The following PSD3 variants were observed in gnomAD, a reference collection of about 807,000 sequenced individuals.
The protein encoded by PSD3 is PH and SEC7 domain-containing protein 3.
Under a neutral mutation model 105.5 loss-of-function variants are expected in PSD3, and 49 were observed. That is an observed-to-expected ratio of 0.46 (90% CI 0.37 to 0.59). PSD3 has a LOEUF of 0.59. Among genes scored for constraint, PSD3 ranks in the 20% least tolerant of loss-of-function variants. The pLI, the probability that PSD3 is intolerant of heterozygous loss-of-function variation, is 0.00. For missense variants in PSD3, 1,561 were observed against 1,263.8 expected, an observed-to-expected ratio of 1.24 and a Z score of -3.57; for synonymous variants, 557 against 457.8, an observed-to-expected ratio of 1.22 and a Z score of -2.77.
At chr8:18,579,490 T>C (rs1257097393) in intron 12 of PSD3, among the ~76,000 whole-genome samples, 1 of 152,210 alleles carries the variant, frequency 6.6e-6, no homozygotes, top group Non-Finnish European at 1.5e-5. Flanking sequence ...TCGTGTTCCC[T>C]GCAATCTACA....
chr8:18,601,856 G>C (rs1278703053), intron 11 of PSD3, among the ~76,000 whole-genome samples: 14 of 152,180 alleles, frequency 9.2e-5, no homozygotes, highest in Non-Finnish European at 4.4e-5. Flanking sequence ...GACCAGGGCT[G>C]AGAGGGCTGC....
At chr8:19,045,318 A>G (rs1462434416) in intron 1 of PSD3, among the ~76,000 whole-genome samples, 1 of 152,250 alleles carries the variant, frequency 6.6e-6, no homozygotes, top group African/African-American at 2.4e-5. Context: ...TAAGGAGAAT[A>G]TGATATGAAA....
chr8:19,026,753 G>C (rs902379836), intron 1 of PSD3, among the ~76,000 whole-genome samples: 6 of 146,464 alleles, frequency 4.1e-5, no homozygotes, highest in African/African-American at 1.5e-4. Flanking sequence ...CACACCTATA[G>C]TCCCAGCTAC....
intron 1 of PSD3, among the ~76,000 whole-genome samples, chr8:19,076,062 G>A (rs1412168140): frequency 6.6e-6 from 1 of 151,770 alleles, no homozygotes; most frequent in Non-Finnish European, 1.5e-5. Context: ...AGTGGCTCAC[G>A]AAACAGTATA....
At chr8:18,610,305 C>A (rs1805161667) in intron 11 of PSD3, among the ~76,000 whole-genome samples, 1 of 152,132 alleles carries the variant, frequency 6.6e-6, no homozygotes, top group Admixed American at 6.5e-5. Flanking sequence ...GGAGTATGCA[C>A]CTGTAACAAT....
At chr8:18,540,394 T>C (rs1800091335) in intron 15 of PSD3, among the ~76,000 whole-genome samples, 1 of 152,196 alleles carries the variant, frequency 6.6e-6, no homozygotes, top group Non-Finnish European at 1.5e-5. Context: ...GTATCTCAGG[T>C]ATGCCTGTGT....
chr8:18,797,850 G>A (rs1810323785), intron 8 of PSD3, among the ~76,000 whole-genome samples: 1 of 152,042 alleles, frequency 6.6e-6, no homozygotes, highest in African/African-American at 2.4e-5. Flanking sequence ...TATGTTGATG[G>A]AACCTCAAAA....
At position 18,629,990 on chromosome 8, in the gene PSD3, T is replaced by A. The variant is rs530704734; in HGVS notation, c.2410+2623A>T. On this transcript the variant is annotated intron_variant, in intron 11 of 15. Transcript: ENST00000327040. ...TGAGGAATTAAAGGCAGCTGAAACT[T>A]CCACGCTCCTCCTGATAGCCCCATG... 2.6e-5 allele frequency among the ~76,000 whole-genome samples: 4 copies of A among 151,874 alleles called. No homozygotes were observed. The East Asian group carries it at 7.8e-4, about 30-fold the overall frequency.
chr8:18,678,009 CAAA>C (rs11404371), intron 9 of PSD3, among the ~76,000 whole-genome samples: 1 of 134,800 alleles, frequency 7.4e-6, no homozygotes, highest in Non-Finnish European at 1.6e-5. Context: ...GACTCTGTCT[CAAA>C]AAAAAAAAAA....
chr8:18,655,813 T>A, intron 9 of PSD3, 128 bp from the exon 10 acceptor site: 3 of 806,280 alleles, frequency 3.7e-6, no homozygotes, highest in Non-Finnish European at 4.0e-6. Flanking sequence ...TCACCTTGCT[T>A]TTAGAAAGGT....
intron 2 of PSD3, among the ~76,000 whole-genome samples, chr8:18,918,536 C>T (rs980489664): frequency 1.3e-5 from 2 of 152,116 alleles, no homozygotes; most frequent in African/African-American, 2.4e-5. Context: ...TCACTGAATG[C>T]GTGTTGAAAA....
chr8:19,084,090 G>T, intron 1 of PSD3: 1 of 360,002 alleles, frequency 2.8e-6, no homozygotes, highest in Non-Finnish European at 5.5e-6. Flanking sequence ...CTGCTGTTGA[G>T]GTGTGGCCCA....
At chr8:18,640,936 T>G (rs1807598608) in intron 10 of PSD3, among the ~76,000 whole-genome samples, 1 of 152,328 alleles carries the variant, frequency 6.6e-6, no homozygotes, top group South Asian at 2.1e-4. Context: ...CCTCTGCTCC[T>G]TTAGTTCTGA....
At chr8:18,951,272 G>A (rs1026422530) in intron 1 of PSD3, among the ~76,000 whole-genome samples, 2 of 152,112 alleles carry the variant, frequency 1.3e-5, no homozygotes, top group Non-Finnish European at 2.9e-5. Flanking sequence ...GCACATGCCT[G>A]TAACCTGTAG....
chr8:18,795,230 G>T (rs896343093), intron 8 of PSD3, among the ~76,000 whole-genome samples: 5 of 152,138 alleles, frequency 3.3e-5, no homozygotes, highest in Non-Finnish European at 5.9e-5. Context: ...ACATTAGTAA[G>T]GTCGTGCCTG....
chr8:19,084,400 G>A (rs1250736389), exon 1 of PSD3: 1 of 456,282 alleles, frequency 2.2e-6, no homozygotes. Flanking sequence ...GCGTGGACCA[G>A]GACAGCCCTT....
At chr8:18,578,850 T>G (rs1802625495) in intron 12 of PSD3, among the ~76,000 whole-genome samples, 1 of 152,032 alleles carries the variant, frequency 6.6e-6, no homozygotes, top group Non-Finnish European at 1.5e-5. Flanking sequence ...TCCAAGGTAG[T>G]TTCCTAAACT....
chr8:18,792,320 G>T (rs1002689877), intron 8 of PSD3, among the ~76,000 whole-genome samples: 6 of 152,162 alleles, frequency 3.9e-5, no homozygotes, highest in Admixed American at 3.9e-4. Flanking sequence ...CAACCTAAAT[G>T]CTCATCAAGG....
intron 12 of PSD3, among the ~76,000 whole-genome samples, chr8:18,579,298 G>A (rs555339523): frequency 8.5e-5 from 13 of 152,236 alleles, no homozygotes; most frequent in East Asian, 3.9e-4. Flanking sequence ...ATAAATCATC[G>A]TAATCAAACC....
Sources: allele counts gnomAD v4.1 joint callset (sites outside exome capture counted in the v4.1 genomes callset), GRCh38; gene constraint gnomAD v4.1.1; transcripts MANE v1.5; gene names NCBI Gene and HGNC (gene_info 2026-07-23, HGNC 2026-07-21).